Variants in TANC2 observed in about 807,000 individuals in gnomAD.
The protein encoded by TANC2 is protein TANC2.
TANC2 carries 26 observed loss-of-function variants against 210.5 expected under a neutral mutation model. The ratio of observed to expected loss-of-function variants is 0.12; its 90% confidence interval spans 0.09 to 0.17. The LOEUF (loss-of-function observed/expected upper bound fraction) is 0.17. TANC2 is among the 10% of genes least tolerant of loss of function. TANC2 has a pLI of 1.00. For synonymous variants in TANC2, 931 were observed against 967.1 expected, an observed-to-expected ratio of 0.96 and a Z score of 0.69; for missense variants, 2,129 against 2,608.9, an observed-to-expected ratio of 0.82 and a Z score of 4.01.
intron 1 of TANC2, among the ~76,000 whole-genome samples, chr17:62,968,266 T>G (rs1188136069): frequency 1.3e-5 from 2 of 152,190 alleles, no homozygotes; most frequent in African/African-American, 4.8e-5. Flanking sequence ...ATGTACTTAA[T>G]TATTGATGAG....
chr17:62,972,303 G>A (rs1229491818), intron 1 of TANC2, among the ~76,000 whole-genome samples: 1 of 152,160 alleles, frequency 6.6e-6, no homozygotes, highest in Non-Finnish European at 1.5e-5. Flanking sequence ...ATAGTTAAAG[G>A]TAAGCATTAC....
At position 63,412,044 on chromosome 17, in the gene TANC2, A is replaced by G. The variant is rs756223486; in HGVS notation, c.3812A>G (p.Tyr1271Cys). The stretch of plus-strand genomic sequence containing the variant: ...GGGGCCATGATCGAGCACGTTGACT[A>G]CAGTGGAATGCGCCCTTTGGATAGG... Residue 1271 changes from tyrosine (Y) to cysteine (C), a missense_variant, in exon 23 of 28, where the codon TAC becomes TGC. By Grantham distance (194) the Tyr-to-Cys change is radical. This residue lies in a region of TANC2 where 644 missense variants were observed against 937.5 expected (regional missense o/e 0.69). Transcript: ENST00000689528. This position sits in a 1 kb window ranked among gnomAD's most constrained non-coding sequence, Gnocchi z 4.2. 129 of 1,613,738 alleles carry G rather than the reference A, an allele frequency of 8.0e-5. No homozygotes were observed. Among genetic ancestry groups the G allele is most frequent in the Non-Finnish European group, 9.9e-5 (117 of 1,179,874 alleles).
intron 1 of TANC2, among the ~76,000 whole-genome samples, chr17:62,976,932 A>G (rs1053357240): frequency 6.6e-6 from 1 of 152,140 alleles, no homozygotes; most frequent in Non-Finnish European, 1.5e-5. Flanking sequence ...TCGCTAGCCA[A>G]TCGTGACAAA....
chr17:63,165,511 G>C (rs1412291626), intron 5 of TANC2, among the ~76,000 whole-genome samples: 1 of 152,068 alleles, frequency 6.6e-6, no homozygotes, highest in African/African-American at 2.4e-5. Flanking sequence ...TTCTTATAAC[G>C]GTCTGTAGGT....
At chr17:63,335,706 A>T (rs1480403020) in intron 11 of TANC2, among the ~76,000 whole-genome samples, 1 of 152,060 alleles carries the variant, frequency 6.6e-6, no homozygotes, top group Non-Finnish European at 1.5e-5. Context: ...TAAATACAGT[A>T]TGGGGTCCTG....
chr17:63,128,318 A>G (rs1386665889), intron 4 of TANC2, among the ~76,000 whole-genome samples: 1 of 152,178 alleles, frequency 6.6e-6, no homozygotes, highest in Non-Finnish European at 1.5e-5. Flanking sequence ...ATTATTACAC[A>G]TTATATGCCT....
exon 22 of TANC2, chr17:63,411,647 C>T (rs749292042): frequency 2.5e-6 from 4 of 1,613,738 alleles, no homozygotes; most frequent in South Asian, 2.2e-5. Flanking sequence ...ATGGCCGTAC[C>T]CCACTGGATC....
chr17:63,099,738 T>C (rs972136044), intron 4 of TANC2, among the ~76,000 whole-genome samples: 2 of 152,158 alleles, frequency 1.3e-5, no homozygotes, highest in African/African-American at 4.8e-5. Context: ...TCAGCAAAGG[T>C]ACATCAGTCG....
At chr17:63,151,370 A>G in exon 5 of TANC2, 1 of 985,656 alleles carries the variant, frequency 1.0e-6, no homozygotes, top group Non-Finnish European at 1.2e-6. Flanking sequence ...ACGTGGATGC[A>G]TACTGCCCTG....
intron 5 of TANC2, among the ~76,000 whole-genome samples, chr17:63,157,458 A>G (rs1427349804): frequency 6.6e-6 from 1 of 152,220 alleles, no homozygotes. Context: ...CTGTAAAACC[A>G]TTTTAACTTC....
chr17:62,989,974 G>A (rs556963309), intron 1 of TANC2, among the ~76,000 whole-genome samples: 14 of 151,874 alleles, frequency 9.2e-5, no homozygotes, highest in South Asian at 8.3e-4. Context: ...GGGTTTCACC[G>A]TCTTGGTCAG....
intron 10 of TANC2, among the ~76,000 whole-genome samples, chr17:63,315,753 T>C (rs1454167344): frequency 1.3e-4 from 20 of 152,218 alleles, no homozygotes; most frequent in East Asian, 1.9e-4. Flanking sequence ...TCCAAACTTA[T>C]TGACTTCCTA....
rs1264713495 is a variant in TANC2, at chr17:63,418,809, C to T, written c.4268+402C>T. Among the ~76,000 whole-genome samples, 1 of 152,130 alleles carries T rather than the reference C, an allele frequency of 6.6e-6. No individual in the cohort carries two copies. The highest frequency in any genetic ancestry group is 2.4e-5 in the African/African-American group (1 of 41,442). Reference sequence around the variant, plus strand: ...GATGGTTCACTTAACATCACAGGTTCCTCTTCCTTCTCCCATAGGCGTTTG... The same window carrying T: ...GATGGTTCACTTAACATCACAGGTTTCTCTTCCTTCTCCCATAGGCGTTTG... On this transcript the variant is annotated intron_variant, in intron 27 of 27. Coordinates refer to ENST00000689528, the Ensembl canonical transcript of TANC2. This position sits in a 1 kb window ranked among gnomAD's most constrained non-coding sequence, Gnocchi z 4.6.
intron 27 of TANC2, 64 bp from the exon 28 acceptor site, chr17:63,419,935 G>C (rs950752488): frequency 9.7e-5 from 143 of 1,471,760 alleles, no homozygotes; most frequent in Non-Finnish European, 1.2e-4. Context: ...CATGTTCTCA[G>C]CTCTTGGTGA....
chr17:63,067,604 T>C (rs2036248421), intron 2 of TANC2, among the ~76,000 whole-genome samples: 1 of 151,796 alleles, frequency 6.6e-6, no homozygotes, highest in Non-Finnish European at 1.5e-5. Context: ...AAGAAAGAAA[T>C]AGGAGATATA....
chr17:63,422,270 C>G (rs1436198982), exon 28 of TANC2: 1 of 256,386 alleles, frequency 3.9e-6, no homozygotes, highest in African/African-American at 2.2e-5. Flanking sequence ...TTCCAGGAGA[C>G]AATCGCTTTC....
intron 13 of TANC2, among the ~76,000 whole-genome samples, chr17:63,352,033 T>TG (rs1234673863): frequency 1.3e-5 from 2 of 152,128 alleles, no homozygotes; most frequent in Admixed American, 1.3e-4. Flanking sequence ...AATGTGAGAC[T>TG]GAGCCTGTAA....
At chr17:63,081,376 T>A (rs147156505) in intron 3 of TANC2, among the ~76,000 whole-genome samples, 116 of 152,344 alleles carry the variant, frequency 7.6e-4, no homozygotes, top group African/African-American at 2.6e-3. Flanking sequence ...TAAGGCTTCT[T>A]CCTGTTCCAC....
At chr17:63,101,557 A>G (rs1323785162) in intron 4 of TANC2, among the ~76,000 whole-genome samples, 1 of 152,206 alleles carries the variant, frequency 6.6e-6, no homozygotes, top group Non-Finnish European at 1.5e-5. Context: ...TAATCATTCA[A>G]CAGATATTTG....
Sources: gnomAD v4.1 joint callset for allele counts (sites outside exome capture counted in the v4.1 genomes callset) on GRCh38, gnomAD v4.1.1 for gene constraint, gnomAD v4.1.1 regional missense constraint, Gnocchi (gnomAD v3.1) non-coding constraint, MANE v1.5 for transcripts, NCBI Gene and HGNC (gene_info 2026-07-23, HGNC 2026-07-21) for gene names.